The following FBXW8 variants were observed in gnomAD, a reference collection of about 807,000 sequenced individuals.
The protein encoded by FBXW8 is F-box and WD repeat domain containing 8.
Under a neutral mutation model 65.3 loss-of-function variants are expected in FBXW8, and 57 were observed. That is an observed-to-expected ratio of 0.87 (90% confidence interval 0.71 to 1.09). FBXW8 has a LOEUF of 1.09. Ranked by LOEUF, FBXW8 falls within the 50% of genes least tolerant of loss-of-function variation. FBXW8 has a pLI of 0.00. For synonymous variants in FBXW8, 308 were observed against 330.2 expected (o/e 0.93, Z 0.73); for missense variants, 777 against 814.8 (o/e 0.95, Z 0.57).
chr12:116,937,193 T>C (rs1593058663), intron 2 of FBXW8, among the ~76,000 whole-genome samples: 1 of 152,202 alleles, frequency 6.6e-6, no homozygotes, highest in East Asian at 1.9e-4. Flanking sequence ...TAGCAGACCA[T>C]GGAAGGAGCA....
chr12:116,967,867 G>C (rs1884421289), intron 5 of FBXW8, among the ~76,000 whole-genome samples: 1 of 152,098 alleles, frequency 6.6e-6, no homozygotes, highest in Non-Finnish European at 1.5e-5. Context: ...CCTGGGGTCA[G>C]GCGATTCTCC....
intron 2 of FBXW8, among the ~76,000 whole-genome samples, chr12:116,931,046 A>G (rs1881734373): frequency 6.6e-6 from 1 of 152,214 alleles, no homozygotes; most frequent in Non-Finnish European, 1.5e-5. Flanking sequence ...GGCTTCAAGT[A>G]AGAGTTCACT....
At chr12:116,949,980 T>C in intron 4 of FBXW8, 1 of 372,978 alleles carries the variant, frequency 2.7e-6, no homozygotes. Flanking sequence ...TGGCATGTTA[T>C]GTGAGATTTT....
intron 1 of FBXW8, among the ~76,000 whole-genome samples, chr12:116,921,849 A>G (rs1199831556): frequency 3.4e-5 from 4 of 116,552 alleles, no homozygotes; most frequent in Middle Eastern, 0.013. Context: ...TTTTTTTTAG[A>G]CAGGCTCTCT....
At chr12:116,912,885 C>T (rs1880105376) in intron 1 of FBXW8, among the ~76,000 whole-genome samples, 1 of 152,156 alleles carries the variant, frequency 6.6e-6, no homozygotes, top group Non-Finnish European at 1.5e-5. Context: ...GTGTTTAGTC[C>T]TGTGCTCTGC....
intron 5 of FBXW8, 154 bp from the exon 6 acceptor site, chr12:116,985,052 A>G: frequency 6.7e-6 from 4 of 595,478 alleles, no homozygotes; most frequent in South Asian, 4.7e-5. Flanking sequence ...TGCATCAGGT[A>G]TATATGAAAC....
chr12:117,000,802 TAGC>T (rs1336092021), intron 7 of FBXW8, among the ~76,000 whole-genome samples: 3 of 152,370 alleles, frequency 2.0e-5, no homozygotes, highest in African/African-American at 7.2e-5. Flanking sequence ...TAACGCATCA[TAGC>T]AGTGTTTTGC....
chr12:116,972,801 A>G (rs1021249365), intron 5 of FBXW8, among the ~76,000 whole-genome samples: 10 of 152,234 alleles, frequency 6.6e-5, no homozygotes, highest in Admixed American at 5.2e-4. Flanking sequence ...ACAGAGATGT[A>G]CATGTATGTC....
chr12:116,982,623 ATTT>A (rs11288865), intron 5 of FBXW8, among the ~76,000 whole-genome samples: 9 of 143,464 alleles, frequency 6.3e-5, no homozygotes, highest in Non-Finnish European at 7.6e-5. Flanking sequence ...GGAGCCCTGG[ATTT>A]TTTTTTTTTT....
chr12:116,919,121 T>A (rs1203347798), intron 1 of FBXW8, among the ~76,000 whole-genome samples: 2 of 152,194 alleles, frequency 1.3e-5, no homozygotes, highest in Admixed American at 1.3e-4. Flanking sequence ...TAACTGATGC[T>A]ATGGAAAGCA....
chr12:116,983,957 C>T (rs1208528110), intron 5 of FBXW8, among the ~76,000 whole-genome samples: 1 of 152,182 alleles, frequency 6.6e-6, no homozygotes, highest in African/African-American at 2.4e-5. Context: ...AGTCCGTCAG[C>T]TAACAAGTGC....
At chr12:116,975,221 A>G (rs1016326855) in intron 5 of FBXW8, among the ~76,000 whole-genome samples, 8 of 152,240 alleles carry the variant, frequency 5.3e-5, no homozygotes, top group African/African-American at 1.9e-4. Context: ...GTTAAAATCA[A>G]TGTGATGAAT....
In FBXW8 at chr12:116,987,726, C is replaced by CA. The variant is rs200614708; in HGVS notation, c.1033-930dup. Among the ~76,000 whole-genome samples, 169 of 152,076 alleles carry CA rather than the reference C, an allele frequency of 1.1e-3. 4 individuals carry two copies. In the East Asian group the frequency reaches 0.028, roughly 25 times the overall value. On this transcript the variant is annotated intron_variant, in intron 6 of 10. Coordinates refer to ENST00000652555, the MANE Select transcript of FBXW8 (RefSeq NM_153348.3). ...AAACAAACAAAAAACACAACAAAAC[C>CA]AAAAAAACCCCAACCTTTTATTTTT... is the stretch of plus-strand genomic sequence containing the variant.
chr12:117,021,540 A>G (rs1954097571), intron 8 of FBXW8, among the ~76,000 whole-genome samples: 1 of 152,196 alleles, frequency 6.6e-6, no homozygotes, highest in Admixed American at 6.5e-5. Flanking sequence ...TAATTTGTGT[A>G]ATATATGTGA....
At chr12:116,942,995 T>C (rs1882707518) in intron 2 of FBXW8, among the ~76,000 whole-genome samples, 1 of 152,066 alleles carries the variant, frequency 6.6e-6, no homozygotes, top group African/African-American at 2.4e-5. Context: ...ACCAGGATGG[T>C]CTGAATCTCC....
At chr12:116,921,256 T>A (rs190845771) in intron 1 of FBXW8, among the ~76,000 whole-genome samples, 1 of 152,368 alleles carries the variant, frequency 6.6e-6, no homozygotes, top group African/African-American at 2.4e-5. Flanking sequence ...TTCTATAGTA[T>A]TATAGTTCAC....
At chr12:117,014,278 G>C (rs1953895597) in intron 8 of FBXW8, among the ~76,000 whole-genome samples, 1 of 152,012 alleles carries the variant, frequency 6.6e-6, no homozygotes. Context: ...ATTTCCATTT[G>C]TTTCTTTTTT....
chr12:116,975,445 G>C (rs1202598565), intron 5 of FBXW8, among the ~76,000 whole-genome samples: 3 of 152,178 alleles, frequency 2.0e-5, no homozygotes, highest in Admixed American at 1.3e-4. Context: ...GTCATGACCT[G>C]ATCACATCCC....
chr12:116,937,207 G>A (rs1486950724), intron 2 of FBXW8, among the ~76,000 whole-genome samples: 1 of 152,166 alleles, frequency 6.6e-6, no homozygotes, highest in African/African-American at 2.4e-5. Context: ...AGGAGCATGT[G>A]TGGGTATGGG....
Sources: allele counts gnomAD v4.1 joint callset (sites outside exome capture counted in the v4.1 genomes callset), GRCh38; gene constraint gnomAD v4.1.1; transcripts MANE v1.5; gene names NCBI Gene and HGNC (gene_info 2026-07-23, HGNC 2026-07-21).